The following LDAH variants were observed in gnomAD, a reference collection of about 807,000 sequenced individuals.
LDAH encodes lipid droplet associated hydrolase.
A neutral mutation model predicts 29.6 loss-of-function variants in LDAH; 26 were observed. That is an observed-to-expected ratio of 0.88 (90% confidence interval 0.64 to 1.22). LDAH has a LOEUF of 1.22. Among genes scored for constraint, LDAH ranks in the 50% most tolerant of loss-of-function variants. The pLI is 0.00. For synonymous variants in LDAH, 117 were observed against 133.0 expected (o/e 0.88, Z 0.83); for missense variants, 344 against 387.3 (o/e 0.89, Z 0.94).
At chr2:20,808,780 A>C (rs1328177708) in intron 1 of LDAH, among the ~76,000 whole-genome samples, 2 of 152,204 alleles carry the variant, frequency 1.3e-5, no homozygotes, top group East Asian at 3.9e-4. Context: ...TAGACAAAAC[A>C]GTGGACAAGA....
intron 3 of LDAH, among the ~76,000 whole-genome samples, chr2:20,787,627 C>G (rs1378843529): frequency 6.6e-6 from 1 of 152,146 alleles, no homozygotes; most frequent in Admixed American, 6.5e-5. Context: ...AGAGAAGTGA[C>G]AAACTCCAAG....
intron 1 of LDAH, among the ~76,000 whole-genome samples, chr2:20,812,773 T>C (rs1181441538): frequency 6.6e-6 from 1 of 152,216 alleles, no homozygotes; most frequent in Non-Finnish European, 1.5e-5. Flanking sequence ...GTTTTAAAAA[T>C]AGATATTAAC....
intron 5 of LDAH, among the ~76,000 whole-genome samples, chr2:20,711,314 G>A (rs930558334): frequency 1.3e-5 from 2 of 151,946 alleles, no homozygotes; most frequent in African/African-American, 4.8e-5. Context: ...GAACCCGGGA[G>A]GTGGAGCTTG....
At chr2:20,755,077 T>C (rs528393068) in intron 4 of LDAH, among the ~76,000 whole-genome samples, 42 of 152,120 alleles carry the variant, frequency 2.8e-4, no homozygotes, top group Non-Finnish European at 4.6e-4. Flanking sequence ...GGGGCAATAA[T>C]ATATTCAATT....
At chr2:20,799,963 G>A (rs757267472) in intron 2 of LDAH, among the ~76,000 whole-genome samples, 2 of 152,166 alleles carry the variant, frequency 1.3e-5, no homozygotes, top group Non-Finnish European at 2.9e-5. Flanking sequence ...CCTGGCCACA[G>A]GATAATCTAC....
At chr2:20,806,281 C>T (rs967405800) in intron 1 of LDAH, among the ~76,000 whole-genome samples, 2 of 152,086 alleles carry the variant, frequency 1.3e-5, no homozygotes, top group African/African-American at 4.8e-5. Context: ...TCCTCAAATG[C>T]CAAAAACTTT....
intron 5 of LDAH, among the ~76,000 whole-genome samples, chr2:20,731,732 C>A (rs1052433905): frequency 2.0e-5 from 3 of 151,974 alleles, no homozygotes; most frequent in African/African-American, 4.8e-5. Flanking sequence ...GTTTCTATTG[C>A]TAGTGTATGC....
At chr2:20,716,960 G>T (rs543067050) in intron 5 of LDAH, among the ~76,000 whole-genome samples, 1 of 150,452 alleles carries the variant, frequency 6.6e-6, no homozygotes, top group African/African-American at 2.4e-5. Flanking sequence ...GTTGTTTTAA[G>T]ATACTAAGCT....
At chr2:20,807,511 T>C (rs947652285) in intron 1 of LDAH, among the ~76,000 whole-genome samples, 9 of 152,158 alleles carry the variant, frequency 5.9e-5, no homozygotes, top group African/African-American at 1.9e-4. Flanking sequence ...AAATTGTGTA[T>C]ATATCAGAAA....
At chr2:20,725,019 G>A (rs1184444496) in intron 5 of LDAH, among the ~76,000 whole-genome samples, 1 of 152,148 alleles carries the variant, frequency 6.6e-6, no homozygotes, top group Non-Finnish European at 1.5e-5. Flanking sequence ...TGTATATACC[G>A]CAATATATAT....
intron 5 of LDAH, among the ~76,000 whole-genome samples, chr2:20,739,631 T>C (rs1667033246): frequency 2.6e-5 from 4 of 152,194 alleles, no homozygotes; most frequent in Admixed American, 2.6e-4. Flanking sequence ...CTGTTTTTCG[T>C]AAAGTACTCC....
chr2:20,757,042 A>G (rs1428270599), intron 4 of LDAH, among the ~76,000 whole-genome samples: 1 of 152,346 alleles, frequency 6.6e-6, no homozygotes, highest in African/African-American at 2.4e-5. Context: ...TTGGAGAGCA[A>G]TCTCCTTGCC....
At chr2:20,711,701 A>G (rs901808404) in intron 5 of LDAH, among the ~76,000 whole-genome samples, 4 of 152,140 alleles carry the variant, frequency 2.6e-5, no homozygotes, top group Admixed American at 6.5e-5. Flanking sequence ...CACTTTTCCA[A>G]TGGTCTTAGC....
chr2:20,705,437 T>G (rs569400000), intron 5 of LDAH, among the ~76,000 whole-genome samples: 2 of 152,322 alleles, frequency 1.3e-5, no homozygotes, highest in Non-Finnish European at 2.9e-5. Context: ...CTTACCAACT[T>G]TCTTTCTGGA....
intron 3 of LDAH, among the ~76,000 whole-genome samples, chr2:20,782,137 G>C (rs1212961073): frequency 6.6e-6 from 1 of 152,168 alleles, no homozygotes; most frequent in African/African-American, 2.4e-5. Context: ...AGGACCAGCA[G>C]CACCAATATT....
intron 1 of LDAH, among the ~76,000 whole-genome samples, chr2:20,810,228 T>C (rs1404315011): frequency 3.3e-5 from 5 of 152,204 alleles, no homozygotes; most frequent in African/African-American, 4.8e-5. Flanking sequence ...TGGTGACTGA[T>C]GCTGTTGTCA....
rs1558399312 is a variant in LDAH at position 20,710,633 on chromosome 2, TAG to T, written c.704-8983_704-8982del. ...ATATATATATATAGATATATATATA[TAG>T]ATATATAGTATACATATATATACAC... is the stretch of plus-strand genomic sequence containing the variant. On this transcript the variant is annotated intron_variant, in intron 5 of 6. Coordinates refer to ENST00000237822, the MANE Select transcript of LDAH (RefSeq NM_021925.4). Among the ~76,000 whole-genome samples the T allele has an allele frequency of 6.2e-4, 84 of 134,640 alleles. No homozygotes were observed. The South Asian group carries it at 0.018, about 29-fold the overall frequency. 88.3% of individuals were successfully genotyped at this position (134,640 alleles called of 152,430 possible). A position where few individuals can be genotyped will look rare whatever the true frequency, so the allele number is the denominator to read the frequency against.
intron 2 of LDAH, among the ~76,000 whole-genome samples, chr2:20,796,820 C>T (rs1199799460): frequency 6.6e-6 from 1 of 152,146 alleles, no homozygotes; most frequent in Non-Finnish European, 1.5e-5. Flanking sequence ...AGTATCTTTT[C>T]ATGAGCTGGA....
chr2:20,776,081 T>C (rs1023783308), intron 3 of LDAH, among the ~76,000 whole-genome samples: 6 of 152,124 alleles, frequency 3.9e-5, no homozygotes, highest in African/African-American at 1.4e-4. Context: ...CACAAGACAG[T>C]CAACTGTTTC....
Sources: allele counts gnomAD v4.1 joint callset (sites outside exome capture counted in the v4.1 genomes callset), GRCh38; gene constraint gnomAD v4.1.1; transcripts MANE v1.5; gene names NCBI Gene and HGNC (gene_info 2026-07-23, HGNC 2026-07-21).